The following CNOT6L variants were observed in gnomAD, a reference collection of about 807,000 sequenced individuals.
CNOT6L encodes the protein CCR4-NOT transcription complex subunit 6-like.
Under a neutral mutation model 64.0 loss-of-function variants are expected in CNOT6L, and 7 were observed. The ratio of observed to expected loss-of-function variants is 0.11; its 90% CI spans 0.06 to 0.21. CNOT6L has a LOEUF of 0.21. CNOT6L is among the 10% of genes least tolerant of loss of function. The pLI is 1.00. For missense variants in CNOT6L, 245 were observed against 669.0 expected (o/e 0.37, Z 6.99); for synonymous variants, 193 against 243.4 (o/e 0.79, Z 1.93).
intron 11 of CNOT6L, among the ~76,000 whole-genome samples, chr4:77,723,113 G>T (rs905055232): frequency 2.0e-5 from 3 of 151,934 alleles, no homozygotes; most frequent in Non-Finnish European, 4.4e-5. Flanking sequence ...TTTATTAAAT[G>T]ATTTGGGCAC....
rs1195387254 is a variant in CNOT6L at position 77,714,821 on chromosome 4, A to G, written c.*5610T>C. ...GTTAAGCACAGAGAAAGGACAGTAC[A>G]GTTTCTAAGTAAATACAGACCCAGA... On this transcript the variant is annotated 3_prime_UTR_variant, in exon 12 of 12. Coordinates refer to ENST00000504123, the MANE Select transcript of CNOT6L (RefSeq NM_144571.3). The G allele has an allele frequency of 2.6e-5, 4 of 152,608 alleles. No individual in the cohort carries two copies. The Admixed American group carries it at 2.6e-4, about 10-fold the overall frequency. 9.5% of individuals were successfully genotyped at this position (152,608 alleles called of 1,614,324 possible).
At chr4:77,739,677 T>C (rs76423598) in intron 8 of CNOT6L, among the ~76,000 whole-genome samples, 390 of 152,298 alleles carry the variant, frequency 2.6e-3, no homozygotes, top group Non-Finnish European at 4.3e-3. Context: ...AGAGGTACAA[T>C]ATACTGATGT....
In CNOT6L at chr4:77,717,605, A is replaced by G. The variant is rs1183954284; in HGVS notation, c.*2826T>C. 1.3e-5 allele frequency: 2 copies of G among 152,420 alleles called. No homozygotes were observed. The allele number at this position is 152,420 out of a possible 1,614,324, so 9.4% of individuals were successfully genotyped here. On this transcript the variant is annotated 3_prime_UTR_variant, in exon 12 of 12. Transcript: ENST00000504123. ...TTACTTTCATTGAATATATATATAT[A>G]TATGTCATTCACCTCTTCCTTTTGG...
chr4:77,808,753 T>C (rs1732550171), intron 1 of CNOT6L, among the ~76,000 whole-genome samples: 3 of 152,178 alleles, frequency 2.0e-5, no homozygotes, highest in Admixed American at 2.0e-4. Flanking sequence ...GAGCAACATC[T>C]ATCTCCTCTC....
At chr4:77,803,175 C>T (rs1020873695) in intron 1 of CNOT6L, among the ~76,000 whole-genome samples, 3 of 151,198 alleles carry the variant, frequency 2.0e-5, no homozygotes, top group African/African-American at 7.3e-5. Flanking sequence ...GGGTAAAGGT[C>T]ATGATCAGGC....
At chr4:77,794,828 T>TA (rs1730617992) in intron 1 of CNOT6L, among the ~76,000 whole-genome samples, 1 of 152,074 alleles carries the variant, frequency 6.6e-6, no homozygotes, top group African/African-American at 2.4e-5. Context: ...AAGGAAGAAT[T>TA]AAACTCATGT....
At chr4:77,812,671 T>TA (rs1733093159) in intron 1 of CNOT6L, among the ~76,000 whole-genome samples, 1 of 151,992 alleles carries the variant, frequency 6.6e-6, no homozygotes, top group Non-Finnish European at 1.5e-5. Flanking sequence ...TGTTGACACT[T>TA]AAAGACGATC....
chr4:77,755,119 C>CA (rs899862281), intron 5 of CNOT6L, among the ~76,000 whole-genome samples: 15 of 146,774 alleles, frequency 1.0e-4, no homozygotes, highest in South Asian at 2.1e-4. Flanking sequence ...AACATATTAC[C>CA]AAAAAAAAGC....
intron 4 of CNOT6L, among the ~76,000 whole-genome samples, chr4:77,772,227 T>C (rs148280110): frequency 2.2e-3 from 330 of 152,320 alleles, no homozygotes; most frequent in African/African-American, 7.8e-3. Context: ...TATTATTAGG[T>C]AAAGTAATCC....
At position 77,716,537 on chromosome 4, in the gene CNOT6L, CTTAAA is replaced by C. The variant is rs1432228085; in HGVS notation, c.*3889_*3893del. On this transcript the variant is annotated 3_prime_UTR_variant, in exon 12 of 12. Transcript: ENST00000504123. ...AAACGCTTGGAAATGCAAATATAAA[CTTAAA>C]TTTTCACCCATTTAACAATATAAAC... 6.6e-6 allele frequency: 1 copy of C among 152,160 alleles called. No homozygotes were observed. Among genetic ancestry groups the C allele is most frequent in the East Asian group, 1.9e-4 (1 of 5,176 alleles). The allele number at this position is 152,160 out of a possible 1,614,324, so 9.4% of individuals were successfully genotyped here.
intron 8 of CNOT6L, among the ~76,000 whole-genome samples, chr4:77,740,460 AAAC>A (rs1181723902): frequency 2.0e-5 from 3 of 152,212 alleles, no homozygotes; most frequent in Non-Finnish European, 4.4e-5. Context: ...TCAAAAGCTC[AAAC>A]AAGAAGGCTA....
chr4:77,798,765 G>C (rs567013755), intron 1 of CNOT6L, among the ~76,000 whole-genome samples: 3 of 151,668 alleles, frequency 2.0e-5, no homozygotes, highest in South Asian at 2.1e-4. Flanking sequence ...TGGGAGGATT[G>C]CTTGAGCCAG....
intron 1 of CNOT6L, among the ~76,000 whole-genome samples, chr4:77,779,699 G>A (rs1456668208): frequency 2.0e-5 from 3 of 152,124 alleles, no homozygotes; most frequent in East Asian, 1.9e-4. Context: ...AGTGGCTCAC[G>A]CCTTGTAATC....
intron 11 of CNOT6L, among the ~76,000 whole-genome samples, chr4:77,725,553 T>C (rs1244712640): frequency 1.3e-5 from 2 of 152,190 alleles, no homozygotes; most frequent in Non-Finnish European, 2.9e-5. Flanking sequence ...CTTTCCATTT[T>C]TTTTCATATT....
intron 5 of CNOT6L, among the ~76,000 whole-genome samples, chr4:77,755,019 T>G (rs192162728): frequency 6.7e-6 from 1 of 149,964 alleles, no homozygotes; most frequent in Admixed American, 6.7e-5. Flanking sequence ...ATCAACAAAT[T>G]GGACTGGAGT....
intron 1 of CNOT6L, among the ~76,000 whole-genome samples, chr4:77,818,073 A>G (rs115451237): frequency 1.3e-3 from 198 of 152,330 alleles, no homozygotes; most frequent in African/African-American, 4.6e-3. Context: ...TAGACAACAG[A>G]GGTTGCTTGA....
intron 5 of CNOT6L, among the ~76,000 whole-genome samples, chr4:77,749,840 CT>C (rs1487920324): frequency 6.6e-6 from 1 of 152,158 alleles, no homozygotes; most frequent in Non-Finnish European, 1.5e-5. Context: ...AAACTGGCAT[CT>C]TTTAAAATTT....
At chr4:77,759,677 T>A (rs1325650465) in intron 4 of CNOT6L, among the ~76,000 whole-genome samples, 14 of 151,530 alleles carry the variant, frequency 9.2e-5, no homozygotes, top group Admixed American at 9.2e-4. Flanking sequence ...TAGAATACAA[T>A]AAAATAGTAT....
chr4:77,722,860 GTTTC>G (rs1013380184), intron 11 of CNOT6L, among the ~76,000 whole-genome samples: 51 of 152,066 alleles, frequency 3.4e-4, no homozygotes, highest in African/African-American at 1.2e-3. Context: ...TTTTGAGTCA[GTTTC>G]TTTCTTAAAA....
Sources: gnomAD v4.1 joint callset for allele counts (sites outside exome capture counted in the v4.1 genomes callset) on GRCh38, gnomAD v4.1.1 for gene constraint, MANE v1.5 for transcripts, NCBI Gene and HGNC (gene_info 2026-07-23, HGNC 2026-07-21) for gene names.